NAV2: variants seen among roughly 807,000 people sequenced by gnomAD.
NAV2 encodes neuron navigator 2, also known as helicase, APC down-regulated 1.
NAV2 carries 54 observed loss-of-function variants against 223.2 expected under a neutral mutation model. The observed-to-expected ratio is 0.24, with a 90% CI of 0.19 to 0.30. The LOEUF is 0.30. NAV2 is among the 10% of genes least tolerant of loss of function. The pLI, the probability that NAV2 is intolerant of heterozygous loss-of-function variation, is 1.00. For missense variants in NAV2, 2,806 were observed against 3,147.5 expected (o/e 0.89, Z 2.60); for synonymous variants, 1,279 against 1,239.3 (o/e 1.03, Z -0.67).
chr11:20,103,392 C>A lies in NAV2; in HGVS notation c.6555C>A (p.Asn2185Lys). Residue 2185 changes from asparagine to lysine, a missense_variant, in exon 33 of 38, where the codon AAC (asparagine) becomes AAA (lysine). Asn to Lys is a moderately conservative substitution (Grantham distance 94). Coordinates refer to ENST00000349880, the MANE Select transcript of NAV2 (RefSeq NM_145117.5). ...GAGAGATCTTCAATGGGCTGCTCAA[C>A]TGCAAGTACCACAAATGGTAAAGGC... is the stretch of plus-strand genomic sequence containing the variant. ...SLGEIFNGLL[N>K]CKYHKCPYII... 6.2e-7 allele frequency: 1 copy of A among 1,613,754 alleles called. No homozygotes were observed. The highest frequency in any genetic ancestry group is 1.7e-5 in the Admixed American group (1 of 59,986).
intron 20 of NAV2, among the ~76,000 whole-genome samples, chr11:20,064,909 A>G (rs2058943366): frequency 6.6e-6 from 1 of 152,154 alleles, no homozygotes; most frequent in South Asian, 2.1e-4. Flanking sequence ...GGCATCAGGA[A>G]ACCAAGCAAG....
intron 1 of NAV2, among the ~76,000 whole-genome samples, chr11:19,477,621 T>C (rs2632030): frequency 0.54 from 82,323 of 151,992 alleles, 22,282 homozygotes; most frequent in Admixed American, 0.58. Flanking sequence ...ACAACCTTCA[T>C]GAGGGTCCCC....
chr11:19,638,395 A>C (rs1384200815), intron 1 of NAV2, among the ~76,000 whole-genome samples: 3 of 152,268 alleles, frequency 2.0e-5, no homozygotes, highest in Non-Finnish European at 4.4e-5. Flanking sequence ...TTCTGGAAGC[A>C]ATAATGTGAA....
At chr11:19,678,075 G>A (rs75440370) in intron 1 of NAV2, among the ~76,000 whole-genome samples, 8 of 152,118 alleles carry the variant, frequency 5.3e-5, no homozygotes, top group South Asian at 4.1e-4. Flanking sequence ...AGGCTGCGCC[G>A]CAGGAATAGG....
At chr11:19,517,621 C>G (rs1215584499) in intron 1 of NAV2, among the ~76,000 whole-genome samples, 1 of 152,314 alleles carries the variant, frequency 6.6e-6, no homozygotes, top group East Asian at 1.9e-4. Context: ...GATAAGCCCC[C>G]AGAAGCAGAC....
chr11:19,940,227 T>G (rs1369399750), intron 8 of NAV2, among the ~76,000 whole-genome samples: 1 of 152,086 alleles, frequency 6.6e-6, no homozygotes, highest in Admixed American at 6.6e-5. Context: ...GGGGGAAAAT[T>G]GTAACATGCT....
In NAV2 at chr11:19,757,035, G is replaced by A. The variant is rs528364975; in HGVS notation, c.267+43073G>A. ...GCTGGGCTGGGCTGGGCTGATCCACGGGGAAGACCCTGATGCCCAGAGAAC... is the reference window on the plus strand; with the variant it reads ...GCTGGGCTGGGCTGGGCTGATCCACAGGGAAGACCCTGATGCCCAGAGAAC... On this transcript the variant is annotated intron_variant, in intron 1 of 37. Transcript: ENST00000349880. Among the ~76,000 whole-genome samples, 10 of 152,280 alleles carry A rather than the reference G, an allele frequency of 6.6e-5. No individual in the cohort carries two copies. The South Asian group carries it at 1.5e-3, about 22-fold the overall frequency.
chr11:19,491,356 T>A lies in NAV2; in HGVS notation c.75+140329T>A, dbSNP rs188817439. On this transcript the variant is annotated intron_variant, in intron 1 of 37. Coordinates refer to the NAV2 transcript ENST00000360655. ...TGTTTCATATTCACGGAAAATCAGT[T>A]GTTTAGTGTACCCACCTTCATCAAT... 5.9e-5 allele frequency among the ~76,000 whole-genome samples: 9 copies of A among 152,366 alleles called. No individual in the cohort carries two copies. In the South Asian group the frequency reaches 1.9e-3, roughly 32 times the overall value.
rs1205393900 is a variant in NAV2 at position 19,739,507 on chromosome 11, G to A, written c.267+25545G>A. ...GGACCCTGAATCCCCCTGTTTTCAGGGTCAGTAGCGAATTTTTAAGCTGAG... is the reference window on the plus strand; with the variant it reads ...GGACCCTGAATCCCCCTGTTTTCAGAGTCAGTAGCGAATTTTTAAGCTGAG... On this transcript the variant is annotated intron_variant, in intron 1 of 37. Coordinates refer to ENST00000349880, the MANE Select transcript of NAV2 (RefSeq NM_145117.5). 2.0e-5 allele frequency among the ~76,000 whole-genome samples: 3 copies of A among 152,240 alleles called. No individual in the cohort carries two copies. In the East Asian group the frequency reaches 5.8e-4, roughly 30 times the overall value.
At chr11:20,062,286 C>CTTTTT in intron 19 of NAV2, 21 bp from the exon 20 acceptor site, 1 of 1,380,292 alleles carries the variant, frequency 7.2e-7, no homozygotes. Flanking sequence ...ATCAATTCAC[C>CTTTTT]TTTTTTTTTT....
intron 1 of NAV2, chr11:19,505,888 G>A (rs1203949409): frequency 6.6e-6 from 1 of 152,342 alleles, no homozygotes; most frequent in East Asian, 1.9e-4. Flanking sequence ...ACACAAGGAA[G>A]CGAGGCAAAG....
In NAV2 at chr11:19,948,683, G is replaced by T. The variant is rs1424481599; in HGVS notation, c.2256-8G>T. 1.3e-6 allele frequency: 2 copies of T among 1,562,784 alleles called. No homozygotes were observed. Among genetic ancestry groups the T allele is most frequent in the Non-Finnish European group, 8.7e-7 (1 of 1,150,070 alleles). On this transcript the variant is annotated splice_region_variant and splice_polypyrimidine_tract_variant and intron_variant, in intron 9 of 37. Coordinates refer to ENST00000349880, the MANE Select transcript of NAV2 (RefSeq NM_145117.5). ...CTTTGAGTCTAATCAGGTTGGTTTT[G>T]TTTCTAGCACATTGGAAACCACGTT...
intron 1 of NAV2, among the ~76,000 whole-genome samples, chr11:19,443,600 A>G (rs10833111): frequency 0.31 from 46,982 of 152,078 alleles, 7,705 homozygotes; most frequent in Middle Eastern, 0.37. Context: ...TCCTTTCTTC[A>G]CATGGGTTTT....
chr11:19,615,442 C>T (rs1294728974), intron 1 of NAV2, among the ~76,000 whole-genome samples: 2 of 151,976 alleles, frequency 1.3e-5, no homozygotes, highest in African/African-American at 2.4e-5. Flanking sequence ...CAATGTCTAA[C>T]AGAGTGCCTC....
At chr11:19,909,159 T>TA (rs909001641) in intron 6 of NAV2, among the ~76,000 whole-genome samples, 2 of 151,892 alleles carry the variant, frequency 1.3e-5, no homozygotes, top group Non-Finnish European at 2.9e-5. Context: ...TTCCCCTCGA[T>TA]AAAAAAAAGT....
intron 1 of NAV2, among the ~76,000 whole-genome samples, chr11:19,626,686 C>T (rs2047181439): frequency 6.6e-6 from 1 of 152,050 alleles, no homozygotes; most frequent in Admixed American, 6.5e-5. Flanking sequence ...CAGTTGTTTG[C>T]ATCTTCTTAA....
chr11:19,750,118 C>G lies in NAV2; in HGVS notation c.267+36156C>G, dbSNP rs1049274616. ...TCTCTAACGAACCTCTTCGCTCTCC[C>G]TTGCCTGTGTCTGGGTGAGGATTGT... On this transcript the variant is annotated intron_variant, in intron 1 of 37. Coordinates refer to ENST00000349880, the MANE Select transcript of NAV2 (RefSeq NM_145117.5). Among the ~76,000 whole-genome samples the G allele has an allele frequency of 9.2e-5, 14 of 152,346 alleles. No homozygotes were observed. In the South Asian group the frequency reaches 1.9e-3, roughly 20 times the overall value.
At chr11:19,968,484 T>C (rs2048960842) in intron 10 of NAV2, among the ~76,000 whole-genome samples, 1 of 152,204 alleles carries the variant, frequency 6.6e-6, no homozygotes, top group Non-Finnish European at 1.5e-5. Flanking sequence ...CCTCCCAGAA[T>C]GCTGGGATTA....
At chr11:19,779,205 C>T (rs189400026) in intron 1 of NAV2, among the ~76,000 whole-genome samples, 1 of 152,284 alleles carries the variant, frequency 6.6e-6, no homozygotes, top group African/African-American at 2.4e-5. Flanking sequence ...TAGTTATGGT[C>T]CACCAAAATA....
Sources: allele counts gnomAD v4.1 joint callset (sites outside exome capture counted in the v4.1 genomes callset), GRCh38; gene constraint gnomAD v4.1.1; transcripts MANE v1.5; gene names NCBI Gene and HGNC (gene_info 2026-07-23, HGNC 2026-07-21).